DGKG: variants seen among roughly 807,000 people sequenced by gnomAD.
The protein encoded by DGKG is DAG kinase gamma.
In DGKG, 78 loss-of-function variants were observed where a neutral mutation model predicts 105.3. The ratio of observed to expected loss-of-function variants is 0.74; its 90% CI spans 0.62 to 0.89. The LOEUF is 0.89. DGKG is among the 40% of genes least tolerant of loss of function. The pLI, the probability that DGKG is intolerant of heterozygous loss-of-function variation, is 0.00. For synonymous variants in DGKG, 346 were observed against 367.1 expected (o/e 0.94, Z 0.66); for missense variants, 958 against 1,020.1 (o/e 0.94, Z 0.83).
At chr3:186,348,521 G>A (rs1034717587) in intron 1 of DGKG, among the ~76,000 whole-genome samples, 5 of 145,766 alleles carry the variant, frequency 3.4e-5, no homozygotes, top group East Asian at 2.0e-4. Flanking sequence ...CTGTGATCAC[G>A]GCTCACTGCA....
chr3:186,148,482 A>C lies in DGKG; in HGVS notation c.*1608T>G. On this transcript the variant is annotated 3_prime_UTR_variant, in exon 25 of 25. Coordinates refer to ENST00000265022, the MANE Select transcript of DGKG (RefSeq NM_001346.3). ...GAGGCGCTCGTTTTCTTGTGTGGGGATATCCCATCCACGCATGTGCTGTAC... is the reference window on the plus strand; with the variant it reads ...GAGGCGCTCGTTTTCTTGTGTGGGGCTATCCCATCCACGCATGTGCTGTAC... 2 of 985,398 alleles carry C rather than the reference A, an allele frequency of 2.0e-6. No homozygotes were observed. The highest frequency in any genetic ancestry group is 9.4e-5 in the South Asian group (2 of 21,284). 61.0% of individuals were successfully genotyped at this position (985,398 alleles called of 1,614,324 possible). A position where few individuals can be genotyped will look rare whatever the true frequency, so the allele number is the denominator to read the frequency against.
chr3:186,304,834 GTAGAAGTC>G (rs900716178), intron 3 of DGKG, among the ~76,000 whole-genome samples: 1 of 152,190 alleles, frequency 6.6e-6, no homozygotes, highest in African/African-American at 2.4e-5. Flanking sequence ...GATGGCAGAG[GTAGAAGTC>G]TAACTTAAGA....
intron 24 of DGKG, among the ~76,000 whole-genome samples, chr3:186,154,644 C>CAAAAAAAAAAAA (rs60767699): frequency 2.0e-4 from 8 of 39,742 alleles, no homozygotes; most frequent in South Asian, 1.8e-3. Context: ...GACTCTGTCT[C>CAAAAAAAAAAAA]AAAAAAAAAA....
At chr3:186,218,651 G>A (rs577406492) in intron 20 of DGKG, among the ~76,000 whole-genome samples, 1 of 152,146 alleles carries the variant, frequency 6.6e-6, no homozygotes, top group Non-Finnish European at 1.5e-5. Flanking sequence ...TAGGAGTGTG[G>A]GCCCAAGTAT....
At chr3:186,285,679 CT>C (rs34275225) in intron 6 of DGKG, among the ~76,000 whole-genome samples, 32,832 of 132,876 alleles carry the variant, frequency 0.25, 3,306 homozygotes, top group African/African-American at 0.35. Context: ...TTCTTTCTTT[CT>C]TTTTTTTTTT....
rs55826465 is a variant in DGKG, at chr3:186,297,068, T to TCACACACA, written c.373+345_373+352dup. Reference sequence around the variant, plus strand: ...CTCTCTGTCTGTCTGTCTGTCTCTCTCACACACACACACACACACACACAC... The same window carrying TCACACACA: ...CTCTCTGTCTGTCTGTCTGTCTCTCTCACACACACACACACACACACACACACACACAC... On this transcript the variant is annotated intron_variant, in intron 5 of 24. Coordinates refer to ENST00000265022, the MANE Select transcript of DGKG (RefSeq NM_001346.3). Among the ~76,000 whole-genome samples, 1,297 of 130,464 alleles carry TCACACACA rather than the reference T, an allele frequency of 9.9e-3. 12 individuals carry two copies. The highest frequency in any genetic ancestry group is 0.023 in the South Asian group (82 of 3,564). 85.6% of individuals were successfully genotyped at this position (130,464 alleles called of 152,430 possible). A position where few individuals can be genotyped will look rare whatever the true frequency, so the allele number is the denominator to read the frequency against.
chr3:186,305,751 G>A (rs754503126), intron 3 of DGKG, among the ~76,000 whole-genome samples: 43 of 152,154 alleles, frequency 2.8e-4, no homozygotes, highest in Non-Finnish European at 5.3e-4. Context: ...ACATTTTGAA[G>A]GTAGATCTAA....
At chr3:186,314,104 CTGAT>C (rs906291129) in intron 2 of DGKG, among the ~76,000 whole-genome samples, 1 of 151,616 alleles carries the variant, frequency 6.6e-6, no homozygotes, top group African/African-American at 2.4e-5. Context: ...GCACAATTTA[CTGAT>C]TGATTCTCTT....
chr3:186,158,745 T>C (rs933030415), intron 24 of DGKG: 30 of 969,702 alleles, frequency 3.1e-5, no homozygotes, highest in Non-Finnish European at 3.7e-5. Context: ...CAATTCTATA[T>C]CAACCTTTTC....
intron 22 of DGKG, among the ~76,000 whole-genome samples, chr3:186,183,902 C>G (rs1395456357): frequency 6.6e-6 from 1 of 152,070 alleles, no homozygotes; most frequent in Admixed American, 6.5e-5. Flanking sequence ...TGGGGTTTCT[C>G]CATGTTGGTC....
intron 24 of DGKG, among the ~76,000 whole-genome samples, chr3:186,153,930 C>T (rs1715897448): frequency 6.6e-6 from 1 of 152,098 alleles, no homozygotes; most frequent in Non-Finnish European, 1.5e-5. Context: ...CATGGTGAAA[C>T]TTCGTCTCTA....
At chr3:186,202,771 C>T (rs1360968992) in intron 21 of DGKG, among the ~76,000 whole-genome samples, 1 of 152,162 alleles carries the variant, frequency 6.6e-6, no homozygotes, top group Non-Finnish European at 1.5e-5. Context: ...AATCACTTGA[C>T]CCCCAACTTT....
chr3:186,242,472 T>G, intron 20 of DGKG, 32 bp downstream of exon 20: 3 of 1,587,236 alleles, frequency 1.9e-6, no homozygotes, highest in African/African-American at 1.3e-5. Flanking sequence ...CCACACTGGG[T>G]GGGTGGCAGC....
chr3:186,275,399 C>T, intron 10 of DGKG, 148 bp downstream of exon 10: 1 of 676,428 alleles, frequency 1.5e-6, no homozygotes, highest in Non-Finnish European at 2.6e-6. Flanking sequence ...GACATGAAGG[C>T]CTCGCTTTAT....
At chr3:186,308,073 G>A (rs1724342824) in intron 2 of DGKG, among the ~76,000 whole-genome samples, 1 of 151,910 alleles carries the variant, frequency 6.6e-6, no homozygotes, top group South Asian at 2.1e-4. Flanking sequence ...TCCACCCCCC[G>A]CCATGATTTC....
intron 20 of DGKG, among the ~76,000 whole-genome samples, chr3:186,230,259 A>AAAACAAAC (rs555305452): frequency 6.6e-6 from 1 of 152,308 alleles, no homozygotes; most frequent in South Asian, 2.1e-4. Flanking sequence ...CTCCGTCTCA[A>AAAACAAAC]AAACAAACAA....
chr3:186,303,373 A>G (rs916164816), intron 3 of DGKG, among the ~76,000 whole-genome samples: 6 of 152,086 alleles, frequency 3.9e-5, no homozygotes, highest in African/African-American at 1.4e-4. Context: ...AGGCCAAAGG[A>G]ACTCTGTTTT....
chr3:186,311,432 C>T (rs1415878682), intron 2 of DGKG, among the ~76,000 whole-genome samples: 1 of 152,188 alleles, frequency 6.6e-6, no homozygotes, highest in African/African-American at 2.4e-5. Context: ...AGCTGCTTGG[C>T]AAGGTAGGAG....
At chr3:186,304,827 G>T (rs186475436) in intron 3 of DGKG, among the ~76,000 whole-genome samples, 16 of 152,308 alleles carry the variant, frequency 1.1e-4, no homozygotes, top group African/African-American at 3.4e-4. Context: ...ACTTGTTGAT[G>T]GCAGAGGTAG....
Sources: allele counts gnomAD v4.1 joint callset (sites outside exome capture counted in the v4.1 genomes callset), GRCh38; gene constraint gnomAD v4.1.1; transcripts MANE v1.5; gene names NCBI Gene and HGNC (gene_info 2026-07-23, HGNC 2026-07-21).